SLAIN2: variants seen among roughly 807,000 people sequenced by gnomAD.
SLAIN2 encodes the protein SLAIN motif-containing protein 2.
A neutral mutation model predicts 56.6 loss-of-function variants in SLAIN2; 31 were observed. That is an observed-to-expected ratio of 0.55 (90% CI 0.41 to 0.74). SLAIN2 has a LOEUF of 0.74. SLAIN2 is among the 30% of genes least tolerant of loss of function. The pLI, the probability that SLAIN2 is intolerant of heterozygous loss-of-function variation, is 0.00. For missense variants in SLAIN2, 777 were observed against 754.2 expected, an observed-to-expected ratio of 1.03 and a Z score of -0.35; for synonymous variants, 317 against 284.9, an observed-to-expected ratio of 1.11 and a Z score of -1.13.
rs759771336 is a variant in SLAIN2, at chr4:48,420,183, A to G, written c.1419A>G (p.Gln473=). The change falls in exon 7 of 8, where the codon CAA becomes CAG. Residue 473 remains glutamine (Q), a synonymous_variant. Transcript: ENST00000264313. Reference sequence around the variant, plus strand: ...CACCATCTCCTTTGGCTCTTCGGCAACCAGTGAAAGCATTTAGTAACCATG... The same window carrying G: ...CACCATCTCCTTTGGCTCTTCGGCAGCCAGTGAAAGCATTTAGTAACCATG... The part of the protein sequence containing the change: ...PAAPSPLALR[Q]PVKAFSNHGS... 5 of 1,613,860 alleles carry G rather than the reference A, an allele frequency of 3.1e-6. No homozygotes were observed. The highest frequency in any genetic ancestry group is 2.7e-5 in the African/African-American group (2 of 74,946).
In SLAIN2 at chr4:48,341,637, C is replaced by G; in HGVS notation, c.-103C>G. 1 of 1,443,690 alleles carries G rather than the reference C, an allele frequency of 6.9e-7. No individual in the cohort carries two copies. Among genetic ancestry groups the G allele is most frequent in the Non-Finnish European group, 9.1e-7 (1 of 1,098,188 alleles). The allele number at this position is 1,443,690 out of a possible 1,614,324, so 89.4% of individuals were successfully genotyped here. On this transcript the variant is annotated 5_prime_UTR_variant, in exon 1 of 8. Transcript: ENST00000264313. ...GGCCTGGTCCTGCTATATGCCGGCGCCTCGGCTAGAGTGAGCGGCGGCGAC... is the reference window on the plus strand; with the variant it reads ...GGCCTGGTCCTGCTATATGCCGGCGGCTCGGCTAGAGTGAGCGGCGGCGAC...
intron 6 of SLAIN2, among the ~76,000 whole-genome samples, chr4:48,413,471 G>T (rs1716918450): frequency 6.6e-6 from 1 of 152,146 alleles, no homozygotes; most frequent in Admixed American, 6.5e-5. Context: ...TCTGTAGTGA[G>T]AGAATCATAT....
chr4:48,399,279 AC>A (rs1716487358), intron 6 of SLAIN2, among the ~76,000 whole-genome samples: 1 of 151,756 alleles, frequency 6.6e-6, no homozygotes, highest in Non-Finnish European at 1.5e-5. Flanking sequence ...TGAATGGGAG[AC>A]CATTCATGAT....
intron 2 of SLAIN2, among the ~76,000 whole-genome samples, chr4:48,375,326 A>T (rs1715781103): frequency 6.6e-6 from 1 of 152,160 alleles, no homozygotes; most frequent in Non-Finnish European, 1.5e-5. Flanking sequence ...TCTCATGGTG[A>T]ATATGTACAA....
intron 6 of SLAIN2, among the ~76,000 whole-genome samples, chr4:48,405,673 CTT>C (rs1221534450): frequency 6.6e-6 from 1 of 151,764 alleles, no homozygotes; most frequent in Non-Finnish European, 1.5e-5. Context: ...GGGGTTTCCT[CTT>C]TTCATGATGT....
At chr4:48,354,992 C>T (rs549014841) in intron 1 of SLAIN2, among the ~76,000 whole-genome samples, 2 of 152,146 alleles carry the variant, frequency 1.3e-5, no homozygotes, top group East Asian at 3.9e-4. Flanking sequence ...CTCCGCCTCC[C>T]GATTTCAAGC....
intron 1 of SLAIN2, among the ~76,000 whole-genome samples, chr4:48,346,698 A>T (rs1174368967): frequency 6.6e-6 from 1 of 152,242 alleles, no homozygotes; most frequent in African/African-American, 2.4e-5. Flanking sequence ...ACTGATTAAC[A>T]TACTAATATC....
chr4:48,408,924 T>C (rs1418401946), intron 6 of SLAIN2, among the ~76,000 whole-genome samples: 2 of 152,194 alleles, frequency 1.3e-5, no homozygotes, highest in African/African-American at 4.8e-5. Context: ...ACATTTTTAC[T>C]GTACTTTCTC....
In SLAIN2 at chr4:48,422,530, T is replaced by C. The variant is rs1717185274; in HGVS notation, c.*453T>C. ...AATAAATATTTGTGTTAATGAGAAC[T>C]AATATTCTGACTAATTATCTAAAGT... On this transcript the variant is annotated 3_prime_UTR_variant, in exon 8 of 8. Coordinates refer to ENST00000264313, the MANE Select transcript of SLAIN2 (RefSeq NM_020846.2). 6.5e-6 allele frequency: 1 copy of C among 153,868 alleles called. No homozygotes were observed. The highest frequency in any genetic ancestry group is 2.0e-4 in the South Asian group (1 of 4,960). The allele number at this position is 153,868 out of a possible 1,614,324, so 9.5% of individuals were successfully genotyped here. A position where few individuals can be genotyped will look rare whatever the true frequency, so the allele number is the denominator to read the frequency against.
At chr4:48,400,242 G>T (rs1716511649) in intron 6 of SLAIN2, among the ~76,000 whole-genome samples, 1 of 152,088 alleles carries the variant, frequency 6.6e-6, no homozygotes, top group African/African-American at 2.4e-5. Flanking sequence ...GAGGGTGTAT[G>T]TGTCCAGGAA....
At chr4:48,421,001 G>GTTTTGT (rs567378505) in intron 7 of SLAIN2, among the ~76,000 whole-genome samples, 1 of 151,812 alleles carries the variant, frequency 6.6e-6, no homozygotes. Context: ...GTTGTTTTTT[G>GTTTTGT]TTTTGTTTTT....
chr4:48,418,318 G>T (rs550140624), intron 6 of SLAIN2, among the ~76,000 whole-genome samples: 1 of 151,952 alleles, frequency 6.6e-6, no homozygotes, highest in African/African-American at 2.4e-5. Context: ...TTCTTTATGA[G>T]GTTGAGGAAA....
intron 6 of SLAIN2, among the ~76,000 whole-genome samples, chr4:48,390,741 G>A (rs550033088): frequency 6.6e-6 from 1 of 152,266 alleles, no homozygotes; most frequent in East Asian, 1.9e-4. Flanking sequence ...TCACAGTGGT[G>A]AATAGTATAG....
At chr4:48,416,663 A>G (rs1717004053) in intron 6 of SLAIN2, among the ~76,000 whole-genome samples, 1 of 151,744 alleles carries the variant, frequency 6.6e-6, no homozygotes, top group Non-Finnish European at 1.5e-5. Flanking sequence ...CTCTCAGACC[A>G]CAGTGCAATC....
At chr4:48,396,957 C>T (rs568499876) in intron 6 of SLAIN2, among the ~76,000 whole-genome samples, 4 of 152,270 alleles carry the variant, frequency 2.6e-5, no homozygotes, top group South Asian at 2.1e-4. Context: ...AGGATGGACA[C>T]GTTCTTCTTT....
At chr4:48,388,559 A>T (rs1226962549) in intron 6 of SLAIN2, among the ~76,000 whole-genome samples, 2 of 152,206 alleles carry the variant, frequency 1.3e-5, no homozygotes, top group Non-Finnish European at 2.9e-5. Flanking sequence ...ATTTATTTTT[A>T]TAGAAAGGGA....
chr4:48,407,354 G>T (rs1560464523), intron 6 of SLAIN2, among the ~76,000 whole-genome samples: 3 of 151,976 alleles, frequency 2.0e-5, no homozygotes, highest in Non-Finnish European at 4.4e-5. Flanking sequence ...TCCGATTTAT[G>T]CTATTCTTTC....
At chr4:48,387,801 AAT>A (rs143452935) in intron 6 of SLAIN2, among the ~76,000 whole-genome samples, 4 of 152,088 alleles carry the variant, frequency 2.6e-5, no homozygotes, top group Non-Finnish European at 5.9e-5. Context: ...GATACATGAA[AAT>A]ATATATGTAA....
intron 6 of SLAIN2, among the ~76,000 whole-genome samples, chr4:48,407,211 TTGTC>T (rs1462704441): frequency 6.6e-6 from 1 of 152,116 alleles, no homozygotes; most frequent in East Asian, 1.9e-4. Context: ...TTTGTTTTCA[TTGTC>T]TGTTTCTCTT....
Sources: allele counts gnomAD v4.1 joint callset (sites outside exome capture counted in the v4.1 genomes callset), GRCh38; gene constraint gnomAD v4.1.1; transcripts MANE v1.5; gene names NCBI Gene and HGNC (gene_info 2026-07-23, HGNC 2026-07-21).